The following MAN2A1 variants were observed in gnomAD, a reference collection of about 807,000 sequenced individuals.
MAN2A1 encodes the protein alpha-mannosidase 2.
A neutral mutation model predicts 142.6 loss-of-function variants in MAN2A1; 76 were observed. The ratio of observed to expected loss-of-function variants is 0.53; its 90% CI spans 0.44 to 0.65. MAN2A1 has a LOEUF of 0.65. Ranked by LOEUF, MAN2A1 falls within the 30% of genes least tolerant of loss-of-function variation. The pLI, the probability that MAN2A1 is intolerant of heterozygous loss-of-function variation, is 0.00. For synonymous variants in MAN2A1, 559 were observed against 473.2 expected (o/e 1.18, Z -2.35); for missense variants, 1,311 against 1,365.1 (o/e 0.96, Z 0.62).
In MAN2A1 at chr5:109,839,510, T is replaced by TA. The variant is rs35613493; in HGVS notation, c.2567-2805dup. Among the ~76,000 whole-genome samples the TA allele has an allele frequency of 4.3e-3, 610 of 143,152 alleles. 3 individuals are homozygous for TA. Among genetic ancestry groups the TA allele is most frequent in the African/African-American group, 0.012 (475 of 38,664 alleles). The allele number at this position is 143,152 out of a possible 152,430, so 93.9% of individuals were successfully genotyped here. On this transcript the variant is annotated intron_variant, in intron 16 of 21. Transcript: ENST00000261483. ...GGTTAGTGGTTCAGACTATGGCCAT[T>TA]AAAAAAAAAAAAAGGCATTAGCTGG...
intron 7 of MAN2A1, among the ~76,000 whole-genome samples, chr5:109,771,892 G>C (rs1753154878): frequency 6.6e-6 from 1 of 151,570 alleles, no homozygotes; most frequent in South Asian, 2.1e-4. Context: ...TTCTTTTTTT[G>C]GGGGGTGCTA....
intron 8 of MAN2A1, among the ~76,000 whole-genome samples, chr5:109,776,233 G>A (rs187841073): frequency 1.9e-4 from 29 of 152,014 alleles, no homozygotes; most frequent in African/African-American, 6.7e-4. Flanking sequence ...GAAAGCTGAT[G>A]GTGAACTATA....
At chr5:109,781,965 G>A (rs1311643044) in intron 9 of MAN2A1, among the ~76,000 whole-genome samples, 1 of 152,082 alleles carries the variant, frequency 6.6e-6, no homozygotes, top group East Asian at 1.9e-4. Context: ...GCTTCTCATT[G>A]GAAACATAGG....
chr5:109,803,893 A>G (rs1754095804), intron 12 of MAN2A1, among the ~76,000 whole-genome samples: 1 of 152,082 alleles, frequency 6.6e-6, no homozygotes, highest in South Asian at 2.1e-4. Context: ...AGTGATTTTT[A>G]AAAAATGATT....
intron 4 of MAN2A1, among the ~76,000 whole-genome samples, chr5:109,734,089 G>C (rs1451765975): frequency 4.6e-5 from 7 of 152,018 alleles, no homozygotes; most frequent in African/African-American, 1.7e-4. Context: ...GTTTAGTCTT[G>C]GGAGGGTGTA....
At chr5:109,734,943 A>T (rs1752042634) in intron 4 of MAN2A1, among the ~76,000 whole-genome samples, 1 of 152,274 alleles carries the variant, frequency 6.6e-6, no homozygotes, top group East Asian at 1.9e-4. Context: ...TTTCTGCCTC[A>T]TTGATCTGTC....
rs142101548 is a variant in MAN2A1 at position 109,701,351 on chromosome 5, G to T, written c.135+10799G>T. Among the ~76,000 whole-genome samples, 147 of 152,258 alleles carry T rather than the reference G, an allele frequency of 9.7e-4. 1 individual carries two copies. The East Asian group carries it at 0.011, about 11-fold the overall frequency. The stretch of plus-strand genomic sequence containing the variant: ...GCTTATGAAGGCTTTGAATCCTGGA[G>T]GAGATTGGCTTGATTTAGAATCTTT... On this transcript the variant is annotated intron_variant, in intron 1 of 21. Transcript: ENST00000261483.
At chr5:109,804,923 A>T (rs919160356) in intron 12 of MAN2A1, among the ~76,000 whole-genome samples, 1 of 152,138 alleles carries the variant, frequency 6.6e-6, no homozygotes, top group African/African-American at 2.4e-5. Context: ...TTTATGTACT[A>T]TGTGTTCTTC....
chr5:109,848,904 T>C (rs1252212274), intron 19 of MAN2A1, among the ~76,000 whole-genome samples: 1 of 152,226 alleles, frequency 6.6e-6, no homozygotes. Flanking sequence ...CATCACTTCC[T>C]TCTCACAATC....
chr5:109,847,961 G>A (rs1755385313), intron 19 of MAN2A1, among the ~76,000 whole-genome samples, 171 bp downstream of exon 19: 1 of 152,066 alleles, frequency 6.6e-6, no homozygotes, highest in East Asian at 1.9e-4. Flanking sequence ...TAAATATCGT[G>A]TAAGATTTGC....
intron 5 of MAN2A1, among the ~76,000 whole-genome samples, chr5:109,766,091 A>C (rs1425446217): frequency 1.3e-5 from 2 of 152,108 alleles, no homozygotes; most frequent in Non-Finnish European, 2.9e-5. Flanking sequence ...ATGTTTGTGA[A>C]TATACATACA....
chr5:109,726,475 G>C (rs1751748776), intron 3 of MAN2A1, among the ~76,000 whole-genome samples: 1 of 152,148 alleles, frequency 6.6e-6, no homozygotes, highest in South Asian at 2.1e-4. Flanking sequence ...GGTGATATCA[G>C]TATGAGTTTT....
At chr5:109,864,230 T>A (rs1036893109) in intron 20 of MAN2A1, 2 of 152,200 alleles carry the variant, frequency 1.3e-5, no homozygotes, top group African/African-American at 4.8e-5. Context: ...GATTTTTAAT[T>A]CATTTATCAT....
chr5:109,811,572 C>T (rs895476135), intron 12 of MAN2A1, among the ~76,000 whole-genome samples: 1 of 138,584 alleles, frequency 7.2e-6, no homozygotes, highest in Non-Finnish European at 1.6e-5. Context: ...TTCCTAACAG[C>T]CGTGTGTGTG....
intron 1 of MAN2A1, among the ~76,000 whole-genome samples, chr5:109,708,838 G>A (rs1189518893): frequency 6.6e-6 from 1 of 152,178 alleles, no homozygotes; most frequent in Non-Finnish European, 1.5e-5. Context: ...GAGAGGATGA[G>A]AATTTGCCCT....
At chr5:109,698,731 T>A (rs1217989078) in intron 1 of MAN2A1, among the ~76,000 whole-genome samples, 1 of 152,200 alleles carries the variant, frequency 6.6e-6, no homozygotes, top group Non-Finnish European at 1.5e-5. Context: ...TTGGCTTCAG[T>A]GAGGAGTCCG....
At position 109,755,392 on chromosome 5, in the gene MAN2A1, T is replaced by C. The variant is rs747772575; in HGVS notation, c.771T>C (p.Thr257=). The C allele has an allele frequency of 6.2e-7, 1 of 1,611,410 alleles. No homozygotes were observed. Among genetic ancestry groups the C allele is most frequent in the Admixed American group, 1.7e-5 (1 of 60,016 alleles). The change falls in exon 5 of 22, where the codon ACT becomes ACC. Residue 257 remains threonine (T), a synonymous_variant. Transcript: ENST00000261483. ...GCTGGGTTATGCCTGATGAAGCTAC[T>C]CCACATTATTTTGCCTTAATTGATC... ...TGGWVMPDEA[T]PHYFALIDQL... is the part of the protein sequence containing the mutation.
chr5:109,804,098 C>T, intron 12 of MAN2A1: 1 of 873,918 alleles, frequency 1.1e-6, no homozygotes, highest in Non-Finnish European at 1.4e-6. Flanking sequence ...AGTGATGTGG[C>T]ATATTTCAAA....
chr5:109,809,694 T>C (rs1166204080), intron 12 of MAN2A1, among the ~76,000 whole-genome samples: 1 of 152,166 alleles, frequency 6.6e-6, no homozygotes, highest in Non-Finnish European at 1.5e-5. Flanking sequence ...TCATAGGGGA[T>C]TTAACATGAC....
Sources: allele counts gnomAD v4.1 joint callset (sites outside exome capture counted in the v4.1 genomes callset), GRCh38; gene constraint gnomAD v4.1.1; transcripts MANE v1.5; gene names NCBI Gene and HGNC (gene_info 2026-07-23, HGNC 2026-07-21).